Variants in MATN2 observed in about 807,000 individuals in gnomAD.
MATN2 encodes the protein matrilin-2.
MATN2 carries 69 observed loss-of-function variants against 103.2 expected under a neutral mutation model. That is an observed-to-expected ratio of 0.67 (90% confidence interval 0.55 to 0.82). MATN2 has a LOEUF of 0.82. MATN2 is among the 40% of genes least tolerant of loss of function. The pLI is 0.00. For synonymous variants in MATN2, 429 were observed against 450.2 expected (o/e 0.95, Z 0.60); for missense variants, 1,023 against 1,211.5 (o/e 0.84, Z 2.31).
At chr8:97,979,310 T>G (rs1811946268) in intron 6 of MATN2, among the ~76,000 whole-genome samples, 1 of 152,238 alleles carries the variant, frequency 6.6e-6, no homozygotes, top group African/African-American at 2.4e-5. Context: ...TCAGCCTGAC[T>G]GTGCCCATCA....
chr8:98,018,016 A>G lies in MATN2; in HGVS notation c.1719A>G (p.Ile573Met). The change falls in exon 12 of 19, where the codon ATA becomes ATG. Residue 573 changes from isoleucine to methionine, a missense_variant. Transcript: ENST00000254898. ...CAGGGAAAGATGTCTGCCAAGCTATAGACCATGGCTGTGAACACATTTGTG... is the reference window on the plus strand; with the variant it reads ...CAGGGAAAGATGTCTGCCAAGCTATGGACCATGGCTGTGAACACATTTGTG... The part of the protein sequence containing the change: ...TCRRKDVCQA[I>M]DHGCEHICVN... The G allele has an allele frequency of 6.2e-7, 1 of 1,613,770 alleles. No individual in the cohort carries two copies. The highest frequency in any genetic ancestry group is 1.1e-5 in the South Asian group (1 of 91,078).
In MATN2 at chr8:98,036,024, T is replaced by C. The variant is rs146582723; in HGVS notation, c.*312T>C. The C allele has an allele frequency of 3.2e-3, 743 of 235,340 alleles. 7 individuals carry two copies. The highest frequency in any genetic ancestry group is 0.014 in the African/African-American group (613 of 44,704). The allele number at this position is 235,340 out of a possible 1,614,324, so 14.6% of individuals were successfully genotyped here. The stretch of plus-strand genomic sequence containing the variant: ...CCTCATCCTGCCTTAGTGTGCAATC[T>C]CATTTGACTATACGATAAAGTTTGC... On this transcript the variant is annotated 3_prime_UTR_variant, in exon 19 of 19. Coordinates refer to ENST00000254898, the MANE Select transcript of MATN2 (RefSeq NM_002380.5).
At chr8:97,934,758 G>A (rs368889885) in intron 3 of MATN2, among the ~76,000 whole-genome samples, 3 of 152,204 alleles carry the variant, frequency 2.0e-5, no homozygotes, top group African/African-American at 4.8e-5. Flanking sequence ...GGAGCAGGTA[G>A]GGGAACAGTC....
chr8:97,976,096 C>T (rs1200741261), intron 5 of MATN2, among the ~76,000 whole-genome samples: 1 of 151,910 alleles, frequency 6.6e-6, no homozygotes, highest in East Asian at 1.9e-4. Flanking sequence ...CTTTAGGGAG[C>T]TGAAGTTACA....
At chr8:97,889,437 ATC>A (rs770695511) in intron 2 of MATN2, among the ~76,000 whole-genome samples, 106 of 112,950 alleles carry the variant, frequency 9.4e-4, no homozygotes, top group Middle Eastern at 4.4e-3. Context: ...GATAAACAAC[ATC>A]TCTCTCTCTC....
At position 98,035,640 on chromosome 8, in the gene MATN2, C is replaced by T; in HGVS notation, c.2816-17C>T. On this transcript the variant is annotated splice_polypyrimidine_tract_variant and intron_variant, in intron 18 of 18. Coordinates refer to ENST00000254898, the MANE Select transcript of MATN2 (RefSeq NM_002380.5). ...TAAAAATAGACAATTCTTCATCTTC[C>T]TTAATTTGAGATTTACTAGAAGAAA... is the stretch of plus-strand genomic sequence containing the variant. 6 of 1,496,312 alleles carry T rather than the reference C, an allele frequency of 4.0e-6. No homozygotes were observed. Among genetic ancestry groups the T allele is most frequent in the Non-Finnish European group, 5.5e-6 (6 of 1,086,178 alleles). The allele number at this position is 1,496,312 out of a possible 1,614,324, so 92.7% of individuals were successfully genotyped here. A position where few individuals can be genotyped will look rare whatever the true frequency, so the allele number is the denominator to read the frequency against.
intron 8 of MATN2, 47 bp downstream of exon 8, chr8:98,003,830 T>C: frequency 6.2e-7 from 1 of 1,607,412 alleles, no homozygotes; most frequent in African/African-American, 1.3e-5. Flanking sequence ...TGGGGTCCAC[T>C]CATGGGGGCG....
chr8:97,918,260 C>T (rs978766136), intron 2 of MATN2, among the ~76,000 whole-genome samples: 1 of 152,214 alleles, frequency 6.6e-6, no homozygotes, highest in African/African-American at 2.4e-5. Flanking sequence ...CGCCTCTATA[C>T]TTGTCTCAAT....
At chr8:97,894,422 G>A (rs1818737648) in intron 2 of MATN2, among the ~76,000 whole-genome samples, 1 of 143,164 alleles carries the variant, frequency 7.0e-6, no homozygotes, top group African/African-American at 2.6e-5. Flanking sequence ...CTGAGCTCAA[G>A]CGATCCTCCC....
chr8:97,918,303 A>G (rs113955448), intron 2 of MATN2, among the ~76,000 whole-genome samples: 2,668 of 152,220 alleles, frequency 0.018, 84 homozygotes, highest in African/African-American at 0.06. Flanking sequence ...TGAGGCCAGG[A>G]CCTGACGATA....
At chr8:97,908,990 G>A (rs571824046) in intron 2 of MATN2, among the ~76,000 whole-genome samples, 2 of 152,054 alleles carry the variant, frequency 1.3e-5, no homozygotes, top group Non-Finnish European at 2.9e-5. Flanking sequence ...CCAGGCTGGA[G>A]GGCAGTGCCC....
chr8:97,954,110 G>A (rs894488068), intron 4 of MATN2, among the ~76,000 whole-genome samples: 5 of 151,982 alleles, frequency 3.3e-5, no homozygotes, highest in African/African-American at 1.2e-4. Context: ...ACTTGAAGTC[G>A]TTACCCAGCT....
At chr8:97,975,303 G>C (rs759197520) in intron 5 of MATN2, among the ~76,000 whole-genome samples, 1 of 152,116 alleles carries the variant, frequency 6.6e-6, no homozygotes, top group African/African-American at 2.4e-5. Context: ...TGAAACACCC[G>C]AGCCAATTTG....
intron 7 of MATN2, among the ~76,000 whole-genome samples, chr8:98,000,196 C>T (rs560286604): frequency 6.6e-6 from 1 of 152,018 alleles, no homozygotes; most frequent in African/African-American, 2.4e-5. Flanking sequence ...TTTAAGAGAC[C>T]CTTTGAGGGG....
intron 5 of MATN2, among the ~76,000 whole-genome samples, chr8:97,968,582 A>G (rs1354432567): frequency 6.6e-6 from 1 of 152,220 alleles, no homozygotes; most frequent in Non-Finnish European, 1.5e-5. Flanking sequence ...AAACTTCCAC[A>G]GATCCCTAGG....
chr8:97,965,566 G>C (rs1443423031), intron 5 of MATN2, among the ~76,000 whole-genome samples: 1 of 152,192 alleles, frequency 6.6e-6, no homozygotes, highest in Non-Finnish European at 1.5e-5. Flanking sequence ...AGGTACCGTG[G>C]CACATGTCTA....
At chr8:97,951,385 C>G (rs1452859947) in intron 4 of MATN2, among the ~76,000 whole-genome samples, 1 of 152,162 alleles carries the variant, frequency 6.6e-6, no homozygotes. Flanking sequence ...CCTTGCACAG[C>G]TTTTCCTCCG....
At chr8:97,918,992 T>G (rs1346748134) in intron 2 of MATN2, among the ~76,000 whole-genome samples, 1 of 152,170 alleles carries the variant, frequency 6.6e-6, no homozygotes, top group African/African-American at 2.4e-5. Context: ...GATCTGACAA[T>G]GGAACAGAAT....
chr8:97,957,918 C>T (rs1412334871), intron 4 of MATN2, among the ~76,000 whole-genome samples: 1 of 152,138 alleles, frequency 6.6e-6, no homozygotes, highest in Non-Finnish European at 1.5e-5. Flanking sequence ...TTTCAAAGGT[C>T]GCTGCTGCTT....
Sources: gnomAD v4.1 joint callset for allele counts (sites outside exome capture counted in the v4.1 genomes callset) on GRCh38, gnomAD v4.1.1 for gene constraint, MANE v1.5 for transcripts, NCBI Gene and HGNC (gene_info 2026-07-23, HGNC 2026-07-21) for gene names.